Variants in STXBP5 observed in about 807,000 individuals in gnomAD.
STXBP5 encodes the protein syntaxin binding protein 5.
In STXBP5, 50 loss-of-function variants were observed where a neutral mutation model predicts 152.4. That is an observed-to-expected ratio of 0.33 (90% CI 0.26 to 0.42). The LOEUF is 0.42. STXBP5 is among the 10% of genes least tolerant of loss of function. STXBP5 has a pLI of 1.00. For synonymous variants in STXBP5, 492 were observed against 494.7 expected (o/e 0.99, Z 0.07); for missense variants, 1,167 against 1,388.6 (o/e 0.84, Z 2.54).
intron 26 of STXBP5, among the ~76,000 whole-genome samples, chr6:147,377,890 A>G (rs1049967150): frequency 3.3e-5 from 5 of 152,198 alleles, no homozygotes; most frequent in Admixed American, 2.0e-4. Context: ...GAAGCACGAA[A>G]AAAGAAATGC....
At chr6:147,209,144 G>A (rs915414245) in intron 2 of STXBP5, among the ~76,000 whole-genome samples, 1 of 151,916 alleles carries the variant, frequency 6.6e-6, no homozygotes, top group African/African-American at 2.4e-5. Flanking sequence ...AACACAATGA[G>A]GTCATTATAT....
At position 147,347,613 on chromosome 6, in the gene STXBP5, A is replaced by C. The variant is rs149828309; in HGVS notation, c.2255-5710A>C. ...AGAAGAAGGAATGTTTGATCATAAA[A>C]GGAAAAGAGGGCTACTTTCCTGATC... On this transcript the variant is annotated intron_variant, in intron 21 of 27. Coordinates refer to ENST00000321680, the MANE Select transcript of STXBP5 (RefSeq NM_001127715.4). 2.3e-3 allele frequency among the ~76,000 whole-genome samples: 349 copies of C among 152,362 alleles called. 1 individual carries two copies. The highest frequency in any genetic ancestry group is 8.0e-3 in the African/African-American group (333 of 41,586).
At position 147,359,219 on chromosome 6, in the gene STXBP5, G is replaced by T; in HGVS notation, c.2441G>T (p.Cys814Phe). ...TRKTDSSPSP[C>F]LWVGTTLGTV... ...AAGACGGACTCGTCCCCTTCCCCTT[G>T]TCTATGGGTTGGAACAACGCTAGGA... Residue 814 changes from cysteine to phenylalanine, a missense_variant, in exon 23 of 28, where the codon TGT becomes TTT. Transcript: ENST00000321680. The T allele has an allele frequency of 6.2e-7, 1 of 1,614,036 alleles. No individual in the cohort carries two copies. The highest frequency in any genetic ancestry group is 8.5e-7 in the Non-Finnish European group (1 of 1,179,954).
At chr6:147,270,031 G>A (rs142290639) in intron 7 of STXBP5, among the ~76,000 whole-genome samples, 154 of 152,190 alleles carry the variant, frequency 1.0e-3, no homozygotes, top group East Asian at 2.3e-3. Context: ...CTACAAACTA[G>A]TAATAGAGAA....
At position 147,313,955 on chromosome 6, in the gene STXBP5, C is replaced by T. The variant is rs34215830; in HGVS notation, c.1217C>T (p.Ala406Val). 10 of 1,603,330 alleles carry T rather than the reference C, an allele frequency of 6.2e-6. No homozygotes were observed. Among genetic ancestry groups the T allele is most frequent in the Admixed American group, 1.7e-5 (1 of 59,830 alleles). ...CCTGTTACATGTTGCGAATATTTTGCGGATTGTCCTGTGGACCTTATTCCT... is the reference window on the plus strand; with the variant it reads ...CCTGTTACATGTTGCGAATATTTTGTGGATTGTCCTGTGGACCTTATTCCT... ...ESPVTCCEYFADCPVDLIPAL... is the reference protein window; with the variant it reads ...ESPVTCCEYFVDCPVDLIPAL... The change falls in exon 12 of 28, where the codon GCG becomes GTG. Residue 406 changes from alanine (A) to valine (V), a missense_variant. Ala to Val is a moderately conservative substitution (Grantham distance 64). Around this residue, in one of 3 missense-constraint regions of STXBP5, gnomAD observed 833 missense variants for 986.3 expected, o/e 0.84. Transcript: ENST00000321680.
At chr6:147,280,614 C>G (rs1582884390) in intron 8 of STXBP5, among the ~76,000 whole-genome samples, 3 of 152,224 alleles carry the variant, frequency 2.0e-5, no homozygotes, top group African/African-American at 7.2e-5. Flanking sequence ...TAGCTGAATT[C>G]ACTATTACTG....
chr6:147,335,809 GAAAAA>G (rs968731961), intron 19 of STXBP5, among the ~76,000 whole-genome samples: 3 of 151,214 alleles, frequency 2.0e-5, no homozygotes, highest in African/African-American at 7.3e-5. Context: ...AAAAAAAAAA[GAAAAA>G]AAGAAAAAGT....
chr6:147,280,229 C>G (rs1300898428), intron 8 of STXBP5, among the ~76,000 whole-genome samples: 2 of 151,974 alleles, frequency 1.3e-5, no homozygotes, highest in Non-Finnish European at 1.5e-5. Context: ...GATTATAGGT[C>G]AGTTATTTTA....
intron 4 of STXBP5, among the ~76,000 whole-genome samples, chr6:147,241,810 ATAC>A (rs1392051503): frequency 6.6e-6 from 1 of 152,212 alleles, no homozygotes; most frequent in African/African-American, 2.4e-5. Flanking sequence ...GTTTGTAGTA[ATAC>A]TAGTATAAAC....
In STXBP5 at chr6:147,212,544, A is replaced by T. The variant is rs189914457; in HGVS notation, c.248+6476A>T. On this transcript the variant is annotated intron_variant, in intron 2 of 27. Coordinates refer to ENST00000321680, the MANE Select transcript of STXBP5 (RefSeq NM_001127715.4). ...AAATTGGGATGTGTTATTTCCAAGA[A>T]TCCTTCCAACTTTTGGACCTTAGAA... is the stretch of plus-strand genomic sequence containing the variant. 9.5e-4 allele frequency among the ~76,000 whole-genome samples: 145 copies of T among 152,294 alleles called. 1 individual carries two copies. Among genetic ancestry groups the T allele is most frequent in the African/African-American group, 3.4e-3 (140 of 41,556 alleles).
At chr6:147,376,385 AAGAG>A (rs1001530752) in intron 26 of STXBP5, among the ~76,000 whole-genome samples, 3 of 152,208 alleles carry the variant, frequency 2.0e-5, no homozygotes, top group South Asian at 4.1e-4. Context: ...ACAAAGCAAA[AAGAG>A]AGAGAGAATA....
intron 24 of STXBP5, 84 bp from the exon 25 acceptor site, chr6:147,363,903 CATAAGATTTATGAG>C: frequency 1.4e-6 from 2 of 1,420,582 alleles, no homozygotes; most frequent in African/African-American, 2.9e-5. Flanking sequence ...CAAACTAAAT[CATAAGATTTATGAG>C]GTCTCTGCCA....
chr6:147,234,070 A>G (rs1469581863), intron 2 of STXBP5, among the ~76,000 whole-genome samples: 1 of 151,718 alleles, frequency 6.6e-6, no homozygotes, highest in African/African-American at 2.4e-5. Flanking sequence ...CATAGCCAAT[A>G]AGAATTAAAC....
chr6:147,382,198 G>A (rs1786120263), intron 26 of STXBP5, among the ~76,000 whole-genome samples: 1 of 152,090 alleles, frequency 6.6e-6, no homozygotes, highest in Non-Finnish European at 1.5e-5. Context: ...AAGGTCTTTT[G>A]ATGGAAAAAT....
chr6:147,213,471 T>C (rs1259656368), intron 2 of STXBP5, among the ~76,000 whole-genome samples: 80 of 121,584 alleles, frequency 6.6e-4, no homozygotes, highest in African/African-American at 1.8e-3. Flanking sequence ...TGTGTGTGTG[T>C]GTGTGTGCGC....
intron 25 of STXBP5, among the ~76,000 whole-genome samples, chr6:147,364,984 TACTC>T (rs1474315934): frequency 6.6e-6 from 1 of 152,192 alleles, no homozygotes; most frequent in Non-Finnish European, 1.5e-5. Flanking sequence ...ATAAACAAGT[TACTC>T]AGTGACTCTA....
At chr6:147,301,174 G>A (rs1781795164) in intron 9 of STXBP5, among the ~76,000 whole-genome samples, 1 of 152,076 alleles carries the variant, frequency 6.6e-6, no homozygotes, top group African/African-American at 2.4e-5. Flanking sequence ...ATGGAGAAAA[G>A]GGAACCTATA....
chr6:147,272,425 A>C (rs938467785), intron 7 of STXBP5, among the ~76,000 whole-genome samples: 3 of 152,230 alleles, frequency 2.0e-5, no homozygotes, highest in Non-Finnish European at 4.4e-5. Context: ...TATAAATTCT[A>C]ACTTCTAAAT....
At chr6:147,287,397 T>A (rs534366600) in intron 8 of STXBP5, among the ~76,000 whole-genome samples, 4 of 150,996 alleles carry the variant, frequency 2.6e-5, no homozygotes, top group African/African-American at 9.7e-5. Context: ...AGAGACGGGG[T>A]TTCACCGTTT....
Sources: gnomAD v4.1 joint callset for allele counts (sites outside exome capture counted in the v4.1 genomes callset) on GRCh38, gnomAD v4.1.1 for gene constraint, gnomAD v4.1.1 regional missense constraint, MANE v1.5 for transcripts, NCBI Gene and HGNC (gene_info 2026-07-23, HGNC 2026-07-21) for gene names.